SNTG1: variants seen among roughly 807,000 people sequenced by gnomAD.
SNTG1 encodes gamma-1-syntrophin.
A neutral mutation model predicts 74.7 loss-of-function variants in SNTG1; 39 were observed. The ratio of observed to expected loss-of-function variants is 0.52; its 90% CI spans 0.40 to 0.68. SNTG1 has a LOEUF of 0.68. Ranked by LOEUF, SNTG1 falls within the 30% of genes least tolerant of loss-of-function variation. The pLI is 0.00. For missense variants in SNTG1, 685 were observed against 609.5 expected (o/e 1.12, Z -1.30); for synonymous variants, 254 against 217.1 (o/e 1.17, Z -1.49).
At chr8:50,287,685 A>G (rs2088860634) in intron 2 of SNTG1, among the ~76,000 whole-genome samples, 1 of 152,080 alleles carries the variant, frequency 6.6e-6, no homozygotes, top group Admixed American at 6.6e-5. Context: ...CCACCACTGG[A>G]TCCATCTTCC....
At chr8:49,944,804 A>AG (rs1235512833) in intron 1 of SNTG1, among the ~76,000 whole-genome samples, 1 of 151,804 alleles carries the variant, frequency 6.6e-6, no homozygotes, top group Non-Finnish European at 1.5e-5. Context: ...AAAAAAAAAA[A>AG]AAAGATGGAG....
chr8:50,546,855 C>A (rs2094391915), intron 11 of SNTG1, among the ~76,000 whole-genome samples: 1 of 152,134 alleles, frequency 6.6e-6, no homozygotes, highest in South Asian at 2.1e-4. Flanking sequence ...AATCTCGGCT[C>A]ACTGCAACCT....
At chr8:50,067,983 G>T (rs1023918143) in intron 1 of SNTG1, among the ~76,000 whole-genome samples, 1 of 151,700 alleles carries the variant, frequency 6.6e-6, no homozygotes, top group Admixed American at 6.6e-5. Context: ...ATCTTTTCAC[G>T]TCCAGGCACA....
intron 1 of SNTG1, among the ~76,000 whole-genome samples, chr8:50,069,272 G>A (rs889360412): frequency 1.3e-5 from 2 of 152,148 alleles, no homozygotes; most frequent in African/African-American, 4.8e-5. Flanking sequence ...TTTGGGCTCA[G>A]TGGTATCATG....
chr8:50,528,104 C>A (rs2094237093), intron 9 of SNTG1, among the ~76,000 whole-genome samples: 1 of 151,894 alleles, frequency 6.6e-6, no homozygotes, highest in South Asian at 2.1e-4. Flanking sequence ...TTTGCTTCTT[C>A]CTTTCCAATC....
chr8:50,222,497 A>G (rs1244181532), intron 2 of SNTG1, among the ~76,000 whole-genome samples: 1 of 152,156 alleles, frequency 6.6e-6, no homozygotes, highest in Non-Finnish European at 1.5e-5. Context: ...GAATCATTGA[A>G]TTCTTCTTTT....
intron 12 of SNTG1, among the ~76,000 whole-genome samples, chr8:50,556,262 T>A (rs771549861): frequency 6.6e-6 from 1 of 152,174 alleles, no homozygotes; most frequent in Non-Finnish European, 1.5e-5. Flanking sequence ...GGCACAGCTT[T>A]CAACTCATTT....
At chr8:50,772,845 C>T (rs930886843) in intron 18 of SNTG1, among the ~76,000 whole-genome samples, 1 of 152,062 alleles carries the variant, frequency 6.6e-6, no homozygotes, top group East Asian at 1.9e-4. Context: ...CATTATTTCC[C>T]ACAGGAGTGG....
At chr8:50,506,190 G>A (rs73585126) in intron 9 of SNTG1, among the ~76,000 whole-genome samples, 6,687 of 152,020 alleles carry the variant, frequency 0.044, 153 homozygotes, top group Middle Eastern at 0.12. Flanking sequence ...GGATTATTCC[G>A]TTCCATTGTT....
chr8:50,462,796 CTTTTTTTTTTTTTTTTTTTT>C (rs869119447), intron 8 of SNTG1, among the ~76,000 whole-genome samples: 5 of 57,476 alleles, frequency 8.7e-5, no homozygotes, highest in East Asian at 5.9e-4. Context: ...AGGTTCTACT[CTTTTTTTTTTTTTTTTTTTT>C]TTTTTTTTTT....
At chr8:50,528,476 C>T (rs1295265996) in intron 9 of SNTG1, among the ~76,000 whole-genome samples, 1 of 151,836 alleles carries the variant, frequency 6.6e-6, no homozygotes, top group Non-Finnish European at 1.5e-5. Flanking sequence ...GAATGTAAAA[C>T]CAAGCTTGCA....
rs192300201 is a variant in SNTG1, at chr8:50,791,850, G to T, written c.1396-821G>T. 9.1e-4 allele frequency among the ~76,000 whole-genome samples: 138 copies of T among 151,790 alleles called. 2 individuals carry two copies. The highest frequency in any genetic ancestry group is 6.8e-3 in the Middle Eastern group (2 of 294). On this transcript the variant is annotated intron_variant, in intron 18 of 18. Coordinates refer to ENST00000642720, the MANE Select transcript of SNTG1 (RefSeq NM_018967.5). ...AGACATGTTTATGTGATTATTGATG[G>T]TCTTTAATAATAATACTAGCAACAT...
chr8:50,792,987 A>C lies in SNTG1; in HGVS notation c.*158A>C, dbSNP rs1372657107. 3 of 641,234 alleles carry C rather than the reference A, an allele frequency of 4.7e-6. No homozygotes were observed. The African/African-American group carries it at 5.6e-5, about 12-fold the overall frequency. 39.7% of individuals were successfully genotyped at this position (641,234 alleles called of 1,614,324 possible). A position where few individuals can be genotyped will look rare whatever the true frequency, so the allele number is the denominator to read the frequency against. Reference sequence around the variant, plus strand: ...GAAGGTCATGTGGAACCTCAAAAACACTTCTATTCTGGATGACATCTGTGA... The same window carrying C: ...GAAGGTCATGTGGAACCTCAAAAACCCTTCTATTCTGGATGACATCTGTGA... On this transcript the variant is annotated 3_prime_UTR_variant, in exon 19 of 19. Transcript: ENST00000642720.
chr8:50,092,372 T>A, intron 1 of SNTG1, among the ~76,000 whole-genome samples: 1 of 152,158 alleles, frequency 6.6e-6, no homozygotes, highest in East Asian at 1.9e-4. Context: ...AGTCTCTTCC[T>A]TTAGGAAGGC....
intron 13 of SNTG1, among the ~76,000 whole-genome samples, chr8:50,595,683 T>G (rs1268239653): frequency 1.3e-5 from 2 of 152,082 alleles, no homozygotes; most frequent in African/African-American, 4.8e-5. Flanking sequence ...AAAATTGTCT[T>G]GTTTTACATT....
intron 9 of SNTG1, among the ~76,000 whole-genome samples, chr8:50,516,023 G>T (rs570033561): frequency 1.4e-4 from 21 of 152,252 alleles, no homozygotes; most frequent in Middle Eastern, 6.8e-3. Context: ...AGCAGAGGTC[G>T]ACAGAAACCT....
intron 12 of SNTG1, among the ~76,000 whole-genome samples, chr8:50,588,705 T>A (rs1276911904): frequency 6.6e-6 from 1 of 152,154 alleles, no homozygotes; most frequent in Non-Finnish European, 1.5e-5. Context: ...GTATAAAGTA[T>A]TATGAAGTTA....
chr8:50,361,982 G>A (rs2091971994), intron 2 of SNTG1, among the ~76,000 whole-genome samples: 1 of 152,180 alleles, frequency 6.6e-6, no homozygotes, highest in South Asian at 2.1e-4. Flanking sequence ...GAGTTTGCAG[G>A]ACTAGAAGTG....
At chr8:50,085,543 C>A (rs1440676884) in intron 1 of SNTG1, among the ~76,000 whole-genome samples, 1 of 152,142 alleles carries the variant, frequency 6.6e-6, no homozygotes, top group Non-Finnish European at 1.5e-5. Context: ...TATCATCAAG[C>A]CCTCAGGTTC....
Sources: gnomAD v4.1 joint callset for allele counts (sites outside exome capture counted in the v4.1 genomes callset) on GRCh38, gnomAD v4.1.1 for gene constraint, MANE v1.5 for transcripts, NCBI Gene and HGNC (gene_info 2026-07-23, HGNC 2026-07-21) for gene names.